NCAM2: variants seen among roughly 807,000 people sequenced by gnomAD.
NCAM2 encodes the protein neural cell adhesion molecule 2.
NCAM2 carries 30 observed loss-of-function variants against 98.1 expected under a neutral mutation model. The observed-to-expected ratio is 0.31, with a 90% CI of 0.23 to 0.41. NCAM2 has a LOEUF of 0.41. NCAM2 is among the 10% of genes least tolerant of loss of function. The pLI is 1.00. For synonymous variants in NCAM2, 368 were observed against 342.4 expected (o/e 1.07, Z -0.83); for missense variants, 867 against 1,005.8 (o/e 0.86, Z 1.87).
intron 8 of NCAM2, among the ~76,000 whole-genome samples, chr21:21,356,008 G>A (rs1451904661): frequency 1.3e-5 from 2 of 152,150 alleles, no homozygotes; most frequent in Non-Finnish European, 2.9e-5. Context: ...AGTGGTCCTT[G>A]CTGTTTCCGT....
chr21:21,235,137 C>T (rs1031524865), intron 1 of NCAM2, among the ~76,000 whole-genome samples: 1 of 151,580 alleles, frequency 6.6e-6, no homozygotes, highest in African/African-American at 2.4e-5. Flanking sequence ...ACAGTTAAAA[C>T]ATTAAAAAAA....
chr21:21,040,382 C>T (rs568201339), intron 1 of NCAM2, among the ~76,000 whole-genome samples: 224 of 152,044 alleles, frequency 1.5e-3, no homozygotes, highest in African/African-American at 3.7e-3. Flanking sequence ...TATGTGTGTG[C>T]GTGGGTGTGT....
At position 21,133,914 on chromosome 21, in the gene NCAM2, G is replaced by A. The variant is rs552446998; in HGVS notation, c.55+135296G>A. Among the ~76,000 whole-genome samples, 209 of 152,268 alleles carry A rather than the reference G, an allele frequency of 1.4e-3. 2 individuals carry two copies. The highest frequency in any genetic ancestry group is 2.1e-3 in the Non-Finnish European group (146 of 68,010). ...GATCTCACTGGTACATATTGATGCT[G>A]AAGTAACACTGGGTAGATGGTTGTG... On this transcript the variant is annotated intron_variant, in intron 1 of 17. Transcript: ENST00000400546.
intron 12 of NCAM2, among the ~76,000 whole-genome samples, chr21:21,433,776 A>AAAATG (rs2077400482): frequency 6.7e-6 from 1 of 149,514 alleles, no homozygotes; most frequent in Non-Finnish European, 1.5e-5. Flanking sequence ...AAAATAAAAT[A>AAAATG]AAATAAAATA....
chr21:21,063,597 T>A (rs907228655), intron 1 of NCAM2, among the ~76,000 whole-genome samples: 1 of 151,056 alleles, frequency 6.6e-6, no homozygotes, highest in African/African-American at 2.4e-5. Flanking sequence ...CAAAAAAAAA[T>A]AAATTTTCTA....
At chr21:21,258,839 G>A (rs2071775500) in intron 1 of NCAM2, among the ~76,000 whole-genome samples, 1 of 152,078 alleles carries the variant, frequency 6.6e-6, no homozygotes, top group Non-Finnish European at 1.5e-5. Context: ...GAGAGTGCCT[G>A]CGGAGCTGCA....
intron 9 of NCAM2, among the ~76,000 whole-genome samples, chr21:21,375,009 G>C (rs530982040): frequency 2.6e-3 from 391 of 151,644 alleles, no homozygotes; most frequent in African/African-American, 9.1e-3. Context: ...AAAAAGGACT[G>C]TTGTGGGGTT....
intron 12 of NCAM2, among the ~76,000 whole-genome samples, chr21:21,444,466 C>CTT (rs34055327): frequency 4.6e-5 from 7 of 150,800 alleles, no homozygotes; most frequent in African/African-American, 7.3e-5. Context: ...TGGTCCTGGG[C>CTT]TTTTTTTTTG....
At chr21:21,426,724 C>T (rs138984139) in intron 11 of NCAM2, among the ~76,000 whole-genome samples, 16 of 152,182 alleles carry the variant, frequency 1.1e-4, no homozygotes, top group Non-Finnish European at 1.5e-5. Context: ...CTTGTCCATG[C>T]GCACCTCCTG....
intron 9 of NCAM2, among the ~76,000 whole-genome samples, chr21:21,395,207 T>A (rs528366846): frequency 3.2e-4 from 48 of 152,204 alleles, no homozygotes; most frequent in African/African-American, 1.2e-3. Flanking sequence ...TGGTGGCGCA[T>A]GCCTATAATC....
chr21:21,147,137 T>C, intron 1 of NCAM2: 1 of 985,414 alleles, frequency 1.0e-6, no homozygotes. Flanking sequence ...ACTAGTGGAC[T>C]TCCTGAAATC....
chr21:21,352,920 C>A (rs776640878), intron 8 of NCAM2, among the ~76,000 whole-genome samples: 2 of 151,540 alleles, frequency 1.3e-5, no homozygotes, highest in Non-Finnish European at 2.9e-5. Flanking sequence ...GTGGCACGAT[C>A]CCAGCCCACC....
rs1389804419 is a variant in NCAM2, at chr21:21,273,970, A to G, written c.56-6608A>G. 2.0e-5 allele frequency among the ~76,000 whole-genome samples: 3 copies of G among 151,946 alleles called. No homozygotes were observed. In the South Asian group the frequency reaches 6.2e-4, roughly 32 times the overall value. ...CACCTGAGGTCGGGAGTTTGAGACC[A>G]GCATGAAGAACATGGAGAAACCCTG... On this transcript the variant is annotated intron_variant, in intron 1 of 17. Coordinates refer to ENST00000400546, the MANE Select transcript of NCAM2 (RefSeq NM_004540.5).
At chr21:21,275,576 G>A (rs2826761) in intron 1 of NCAM2, among the ~76,000 whole-genome samples, 14,353 of 151,918 alleles carry the variant, frequency 0.094, 1,205 homozygotes, top group East Asian at 0.34. Flanking sequence ...CTTTCTCGTA[G>A]GTAAACACTC....
chr21:21,416,269 G>A (rs1292180166), intron 10 of NCAM2, among the ~76,000 whole-genome samples: 1 of 152,126 alleles, frequency 6.6e-6, no homozygotes, highest in Non-Finnish European at 1.5e-5. Flanking sequence ...TATCAATTAA[G>A]TTCACTGTCT....
At chr21:21,230,762 A>T (rs2070590388) in intron 1 of NCAM2, among the ~76,000 whole-genome samples, 1 of 151,348 alleles carries the variant, frequency 6.6e-6, no homozygotes, top group Non-Finnish European at 1.5e-5. Context: ...CACTTTCATG[A>T]GTATTCCGTT....
chr21:21,340,531 A>G (rs1005587675), intron 8 of NCAM2, among the ~76,000 whole-genome samples: 2 of 151,982 alleles, frequency 1.3e-5, no homozygotes, highest in African/African-American at 4.8e-5. Context: ...TTTTAAGAAA[A>G]TCTGACTTGG....
intron 1 of NCAM2, among the ~76,000 whole-genome samples, chr21:21,049,145 A>C (rs1325975236): frequency 0.062 from 1 of 16 alleles, no homozygotes; most frequent in Non-Finnish European, 0.17. Context: ...CAGCCTCCCG[A>C]GTAGGCTGGG....
chr21:21,028,688 C>A (rs2064604366), intron 1 of NCAM2, among the ~76,000 whole-genome samples: 1 of 152,142 alleles, frequency 6.6e-6, no homozygotes, highest in Non-Finnish European at 1.5e-5. Flanking sequence ...AATTGGCACA[C>A]AAAATGCCCT....
Sources: gnomAD v4.1 joint callset for allele counts (sites outside exome capture counted in the v4.1 genomes callset) on GRCh38, gnomAD v4.1.1 for gene constraint, MANE v1.5 for transcripts, NCBI Gene and HGNC (gene_info 2026-07-23, HGNC 2026-07-21) for gene names.